Variants in APP observed in about 807,000 individuals in gnomAD.
APP encodes the protein amyloid beta precursor protein.
A neutral mutation model predicts 101.4 loss-of-function variants in APP; 31 were observed. That is an observed-to-expected ratio of 0.31 (90% CI 0.23 to 0.41). The LOEUF is 0.41. APP is among the 10% of genes least tolerant of loss of function. The pLI is 1.00. For synonymous variants in APP, 366 were observed against 364.4 expected (o/e 1.00, Z -0.05); for missense variants, 839 against 1,003.7 (o/e 0.84, Z 2.22).
chr21:26,042,938 T>C (rs564660618), intron 5 of APP, among the ~76,000 whole-genome samples: 3 of 152,054 alleles, frequency 2.0e-5, no homozygotes, highest in Non-Finnish European at 2.9e-5. Flanking sequence ...CACTTTAATA[T>C]AGTATCTGGA....
intron 13 of APP, among the ~76,000 whole-genome samples, chr21:25,917,299 C>T (rs892380804): frequency 4.0e-5 from 6 of 149,762 alleles, no homozygotes; most frequent in South Asian, 4.2e-4. Flanking sequence ...AGGATGTATA[C>T]GAGGCATACT....
intron 15 of APP, among the ~76,000 whole-genome samples, chr21:25,900,178 A>T (rs1313426236): frequency 6.6e-6 from 1 of 151,998 alleles, no homozygotes; most frequent in Non-Finnish European, 1.5e-5. Flanking sequence ...TAGCCCTTTT[A>T]AATCTGAGAT....
intron 17 of APP, among the ~76,000 whole-genome samples, chr21:25,883,931 G>C (rs151042556): frequency 7.4e-4 from 112 of 152,072 alleles, no homozygotes; most frequent in Non-Finnish European, 9.1e-4. Flanking sequence ...TCTTGCTCTT[G>C]TTGCCCAGGC....
intron 17 of APP, among the ~76,000 whole-genome samples, chr21:25,890,945 C>T (rs1227306131): frequency 6.6e-6 from 1 of 152,108 alleles, no homozygotes; most frequent in Non-Finnish European, 1.5e-5. Flanking sequence ...TTTCCCTGTG[C>T]ATATAAAAGT....
At chr21:26,064,914 C>T (rs1026369723) in intron 3 of APP, among the ~76,000 whole-genome samples, 2 of 152,152 alleles carry the variant, frequency 1.3e-5, no homozygotes, top group Non-Finnish European at 2.9e-5. Context: ...AGTGCACTGG[C>T]GTGATCTTGG....
At chr21:26,136,260 C>A (rs73343423) in intron 1 of APP, among the ~76,000 whole-genome samples, 4,411 of 152,020 alleles carry the variant, frequency 0.029, 212 homozygotes, top group African/African-American at 0.1. Context: ...TCCTCTCACT[C>A]TGCACGCCAC....
intron 13 of APP, among the ~76,000 whole-genome samples, chr21:25,939,177 C>T (rs1309686276): frequency 6.6e-6 from 1 of 152,150 alleles, no homozygotes; most frequent in African/African-American, 2.4e-5. Flanking sequence ...GGGTTTAATT[C>T]CACTTTCATG....
At chr21:26,057,902 G>T (rs952791857) in intron 3 of APP, among the ~76,000 whole-genome samples, 2 of 152,134 alleles carry the variant, frequency 1.3e-5, no homozygotes, top group African/African-American at 2.4e-5. Flanking sequence ...CTACAATGTG[G>T]TCAATTTGAC....
chr21:26,027,407 C>T (rs954058548), intron 5 of APP, among the ~76,000 whole-genome samples: 1 of 152,120 alleles, frequency 6.6e-6, no homozygotes, highest in African/African-American at 2.4e-5. Flanking sequence ...CTGGAAGGTA[C>T]AATGGCTGGA....
At chr21:26,165,053 T>C (rs1190697721) in intron 1 of APP, among the ~76,000 whole-genome samples, 2 of 152,218 alleles carry the variant, frequency 1.3e-5, no homozygotes, top group East Asian at 3.8e-4. Context: ...ATAAATGAAA[T>C]TTTATAACAT....
intron 17 of APP, among the ~76,000 whole-genome samples, chr21:25,889,989 T>A (rs189912906): frequency 6.8e-4 from 104 of 152,340 alleles, no homozygotes; most frequent in Non-Finnish European, 1.1e-3. Flanking sequence ...TAAATTTTTT[T>A]AAAAATTAAT....
At chr21:25,928,083 G>A (rs55928752) in intron 13 of APP, among the ~76,000 whole-genome samples, 21,133 of 152,054 alleles carry the variant, frequency 0.14, 3,095 homozygotes, top group African/African-American at 0.37. Flanking sequence ...GGTGGCTCAC[G>A]CCTGTAATCC....
intron 3 of APP, among the ~76,000 whole-genome samples, chr21:26,079,462 T>C (rs1165713073): frequency 6.6e-6 from 1 of 152,218 alleles, no homozygotes; most frequent in African/African-American, 2.4e-5. Flanking sequence ...AGCTGTTTAC[T>C]GGTTGGCCCA....
At chr21:26,168,016 A>C (rs138396248) in intron 1 of APP, among the ~76,000 whole-genome samples, 14 of 152,310 alleles carry the variant, frequency 9.2e-5, no homozygotes, top group Non-Finnish European at 2.1e-4. Flanking sequence ...ATAAATTAGC[A>C]CTACCACAAA....
chr21:25,943,491 T>C (rs2040669492), intron 13 of APP, among the ~76,000 whole-genome samples: 1 of 149,682 alleles, frequency 6.7e-6, no homozygotes, highest in Non-Finnish European at 1.5e-5. Context: ...CTCGTTCTGT[T>C]GCCCTGGCTA....
intron 16 of APP, among the ~76,000 whole-genome samples, chr21:25,893,992 C>T (rs2037863445): frequency 6.6e-6 from 1 of 152,132 alleles, no homozygotes; most frequent in South Asian, 2.1e-4. Flanking sequence ...CCAAGACTGA[C>T]CATTGTAAAA....
chr21:25,917,746 T>TA (rs1476241590), intron 13 of APP, among the ~76,000 whole-genome samples: 1 of 152,106 alleles, frequency 6.6e-6, no homozygotes, highest in Non-Finnish European at 1.5e-5. Flanking sequence ...GTCTGGCTGT[T>TA]AAAGCTCTGA....
chr21:26,061,082 T>C (rs987733005), intron 3 of APP, among the ~76,000 whole-genome samples: 1 of 152,126 alleles, frequency 6.6e-6, no homozygotes, highest in Non-Finnish European at 1.5e-5. Context: ...AGGTGGGAGA[T>C]GACAATGACT....
At chr21:26,034,665 AAAAAG>A (rs2045016469) in intron 5 of APP, among the ~76,000 whole-genome samples, 1 of 151,898 alleles carries the variant, frequency 6.6e-6, no homozygotes, top group South Asian at 2.1e-4. Context: ...AGAAAAAGAA[AAAAAG>A]AAAAGAAAAA....
Sources: allele counts gnomAD v4.1 joint callset (sites outside exome capture counted in the v4.1 genomes callset), GRCh38; gene constraint gnomAD v4.1.1; transcripts MANE v1.5; gene names NCBI Gene and HGNC (gene_info 2026-07-23, HGNC 2026-07-21).